TTC28: variants seen among roughly 807,000 people sequenced by gnomAD.
The protein encoded by TTC28 is tetratricopeptide repeat domain 28, also known as tetratricopeptide repeat protein 28.
A neutral mutation model predicts 198.0 loss-of-function variants in TTC28; 61 were observed. The observed-to-expected ratio is 0.31, with a 90% CI of 0.25 to 0.38. The LOEUF (loss-of-function observed/expected upper bound fraction) is 0.38, where lower values mean the gene tolerates loss of function less well. TTC28 is among the 10% of genes least tolerant of loss of function. TTC28 has a pLI of 1.00. For missense variants in TTC28, 2,678 were observed against 3,164.0 expected (o/e 0.85, Z 3.69); for synonymous variants, 1,171 against 1,297.8 (o/e 0.90, Z 2.10).
chr22:28,337,090 G>A lies in TTC28; in HGVS notation c.382-30447C>T, dbSNP rs956384043. On this transcript the variant is annotated intron_variant, in intron 2 of 22. Coordinates refer to ENST00000397906, the MANE Select transcript of TTC28 (RefSeq NM_001145418.2). ...ACATCTTTATTTCTGCCTTCATTTC[G>A]TTATGTACCCAGTAGTCATTCAGGA... is the stretch of plus-strand genomic sequence containing the variant. 5.1e-4 allele frequency among the ~76,000 whole-genome samples: 78 copies of A among 152,138 alleles called. 1 individual carries two copies. Among genetic ancestry groups the A allele is most frequent in the African/African-American group, 1.7e-3 (72 of 41,498 alleles).
At chr22:28,590,034 C>CAAAAAAAAAAAAAAAAA (rs71194779) in intron 2 of TTC28, among the ~76,000 whole-genome samples, 136 of 68,030 alleles carry the variant, frequency 2.0e-3, no homozygotes, top group Non-Finnish European at 2.5e-3. Context: ...AAGACTCCAT[C>CAAAAAAAAAAAAAAAAA]AAAAAAAAAA....
At chr22:28,123,293 G>C (rs1023161037) in intron 6 of TTC28, among the ~76,000 whole-genome samples, 1 of 150,760 alleles carries the variant, frequency 6.6e-6, no homozygotes, top group South Asian at 2.1e-4. Flanking sequence ...TCTCACTCTC[G>C]TGCCCAGGCT....
chr22:28,662,848 C>G (rs1182469601), intron 1 of TTC28, among the ~76,000 whole-genome samples: 1 of 152,148 alleles, frequency 6.6e-6, no homozygotes, highest in Non-Finnish European at 1.5e-5. Context: ...CCTGTTGCTA[C>G]ACAAGCCAAA....
At chr22:28,140,333 T>TC (rs572429022) in intron 6 of TTC28, among the ~76,000 whole-genome samples, 2 of 152,112 alleles carry the variant, frequency 1.3e-5, no homozygotes, top group Non-Finnish European at 2.9e-5. Context: ...CCTCTGAATC[T>TC]CCCCTCAGAG....
chr22:28,035,794 C>T lies in TTC28; in HGVS notation c.3933-5428G>A, dbSNP rs190376470. 1.2e-4 allele frequency among the ~76,000 whole-genome samples: 19 copies of T among 152,114 alleles called. No individual in the cohort carries two copies. In the East Asian group the frequency reaches 1.5e-3, roughly 12 times the overall value. On this transcript the variant is annotated intron_variant, in intron 12 of 22. Transcript: ENST00000397906. ...ACTGACAATTAGTAAACTTTTAAGA[C>T]GAAAAGAGCCTGGGCTAAAGAAAAA...
chr22:28,295,313 T>C (rs1375536292), intron 5 of TTC28, among the ~76,000 whole-genome samples: 4 of 152,168 alleles, frequency 2.6e-5, no homozygotes, highest in African/African-American at 7.2e-5. Flanking sequence ...TCTCAACACA[T>C]AGATTGATTT....
At chr22:28,131,979 A>G (rs188031181) in intron 6 of TTC28, among the ~76,000 whole-genome samples, 13 of 152,342 alleles carry the variant, frequency 8.5e-5, no homozygotes, top group African/African-American at 9.6e-5. Flanking sequence ...AAAAAATTCA[A>G]TTTCAGAAAT....
intron 1 of TTC28, among the ~76,000 whole-genome samples, chr22:28,678,903 T>C (rs2052044334): frequency 6.6e-6 from 1 of 152,188 alleles, no homozygotes; most frequent in Admixed American, 6.5e-5. Flanking sequence ...TCGGCTTCCC[T>C]GCTGTGGTGA....
intron 1 of TTC28, among the ~76,000 whole-genome samples, chr22:28,651,218 C>T (rs760399735): frequency 6.6e-6 from 1 of 152,136 alleles, no homozygotes; most frequent in African/African-American, 2.4e-5. Context: ...AGGCTGGTGT[C>T]GAACTCCTGT....
intron 2 of TTC28, among the ~76,000 whole-genome samples, chr22:28,466,078 T>C (rs1470580970): frequency 1.3e-5 from 2 of 152,222 alleles, no homozygotes; most frequent in Admixed American, 6.5e-5. Context: ...AGTTAATAAC[T>C]ACAGAGTTTA....
intron 2 of TTC28, among the ~76,000 whole-genome samples, chr22:28,478,118 T>C (rs545638360): frequency 2.3e-4 from 35 of 152,320 alleles, no homozygotes; most frequent in Non-Finnish European, 4.4e-4. Context: ...AAAGCACTTA[T>C]GAGACAAGTG....
intron 12 of TTC28, among the ~76,000 whole-genome samples, chr22:28,082,774 A>G (rs1225882391): frequency 6.6e-6 from 1 of 152,096 alleles, no homozygotes; most frequent in African/African-American, 2.4e-5. Context: ...TGAATTTGTA[A>G]TGTTCTTTAC....
chr22:28,165,621 T>A lies in TTC28; in HGVS notation c.934-2022A>T, dbSNP rs986144798. Among the ~76,000 whole-genome samples the A allele has an allele frequency of 2.0e-5, 3 of 152,106 alleles. No homozygotes were observed. In the East Asian group the frequency reaches 5.8e-4, roughly 29 times the overall value. On this transcript the variant is annotated intron_variant, in intron 5 of 22. Coordinates refer to ENST00000397906, the MANE Select transcript of TTC28 (RefSeq NM_001145418.2). ...AGAAATAAAATCCTTTACAGACAAG[T>A]AAATGTTGACAGATTTTGTCACCAC... is the stretch of plus-strand genomic sequence containing the variant.
intron 5 of TTC28, among the ~76,000 whole-genome samples, chr22:28,187,691 C>T (rs9625425): frequency 0.072 from 10,949 of 152,222 alleles, 450 homozygotes; most frequent in South Asian, 0.091. Flanking sequence ...GCATTAAACA[C>T]GTGTTAGGTA....
At chr22:28,409,509 A>T (rs2047048486) in intron 2 of TTC28, among the ~76,000 whole-genome samples, 1 of 151,346 alleles carries the variant, frequency 6.6e-6, no homozygotes, top group Non-Finnish European at 1.5e-5. Context: ...GTACCACTTT[A>T]AAAAATGTAC....
At chr22:28,549,882 G>A (rs891874215) in intron 2 of TTC28, among the ~76,000 whole-genome samples, 2 of 152,154 alleles carry the variant, frequency 1.3e-5, no homozygotes, top group Non-Finnish European at 2.9e-5. Context: ...ACAAAATACA[G>A]TTGTAAATTA....
rs183659499 is a variant in TTC28, at chr22:28,110,449, A to C, written c.1442-2046T>G. On this transcript the variant is annotated intron_variant, in intron 6 of 22. Coordinates refer to ENST00000397906, the MANE Select transcript of TTC28 (RefSeq NM_001145418.2). ...AATGTATGTGCAAGAGCACTGTAAAACTGCAGAGTGAAATTGCAATATTAG... is the reference window on the plus strand; with the variant it reads ...AATGTATGTGCAAGAGCACTGTAAACCTGCAGAGTGAAATTGCAATATTAG... Among the ~76,000 whole-genome samples, 86 of 152,334 alleles carry C rather than the reference A, an allele frequency of 5.6e-4. 1 individual carries two copies. Among genetic ancestry groups the C allele is most frequent in the South Asian group, 1.9e-3 (9 of 4,820 alleles).
At chr22:28,360,810 C>G (rs185968861) in intron 2 of TTC28, among the ~76,000 whole-genome samples, 111 of 152,268 alleles carry the variant, frequency 7.3e-4, no homozygotes, top group African/African-American at 2.5e-3. Context: ...AGTCTATTGG[C>G]ACCATTTTTC....
intron 2 of TTC28, among the ~76,000 whole-genome samples, chr22:28,432,952 G>C (rs1289646083): frequency 6.6e-6 from 1 of 151,968 alleles, no homozygotes; most frequent in Non-Finnish European, 1.5e-5. Context: ...GACTACCCAG[G>C]GTCCCCACCA....
Sources: allele counts gnomAD v4.1 joint callset (sites outside exome capture counted in the v4.1 genomes callset), GRCh38; gene constraint gnomAD v4.1.1; transcripts MANE v1.5; gene names NCBI Gene and HGNC (gene_info 2026-07-23, HGNC 2026-07-21).